Variants in SULF2 observed in about 807,000 individuals in gnomAD.
SULF2 encodes extracellular sulfatase Sulf-2.
A neutral mutation model predicts 107.7 loss-of-function variants in SULF2; 52 were observed. The observed-to-expected ratio is 0.48, with a 90% CI of 0.39 to 0.61. SULF2 has a LOEUF of 0.61. Among genes scored for constraint, SULF2 ranks in the 20% least tolerant of loss-of-function variants. The probability of loss-of-function intolerance (pLI) is 0.00; values close to 1 mark genes in which losing one functional copy is unlikely to be tolerated. For missense variants in SULF2, 993 were observed against 1,177.3 expected, an observed-to-expected ratio of 0.84 and a Z score of 2.29; for synonymous variants, 460 against 464.3, an observed-to-expected ratio of 0.99 and a Z score of 0.12.
At chr20:47,699,318 G>A (rs1192943570) in intron 4 of SULF2, among the ~76,000 whole-genome samples, 4 of 151,938 alleles carry the variant, frequency 2.6e-5, no homozygotes, top group Non-Finnish European at 5.9e-5. Context: ...TGGGGGTGGT[G>A]AATGAATAAT....
chr20:47,718,115 C>G (rs999005373), intron 3 of SULF2, among the ~76,000 whole-genome samples: 1 of 152,178 alleles, frequency 6.6e-6, no homozygotes, highest in Non-Finnish European at 1.5e-5. Flanking sequence ...CCTGGCCTGG[C>G]CTCAGAAATG....
At chr20:47,755,446 C>CAA (rs938976983) in intron 2 of SULF2, among the ~76,000 whole-genome samples, 12 of 152,148 alleles carry the variant, frequency 7.9e-5, no homozygotes, top group African/African-American at 2.9e-4. Context: ...GATCATGTTG[C>CAA]AAAAATGTGT....
intron 3 of SULF2, among the ~76,000 whole-genome samples, chr20:47,720,429 T>A (rs1015589296): frequency 1.4e-4 from 22 of 152,116 alleles, no homozygotes; most frequent in Non-Finnish European, 7.3e-5. Flanking sequence ...CTAATTCTTT[T>A]GTATTTTTAG....
At chr20:47,786,554 G>A (rs2090934636), upstream of SULF2, 1 of 152,206 alleles carries the variant, frequency 6.6e-6, no homozygotes, top group Non-Finnish European at 1.5e-5. Context: ...GCGCGCCCGA[G>A]AACTCCCCGA....
At chr20:47,697,699 C>T (rs957140656) in intron 4 of SULF2, among the ~76,000 whole-genome samples, 1 of 152,190 alleles carries the variant, frequency 6.6e-6, no homozygotes, top group African/African-American at 2.4e-5. Context: ...ACGCCTCCCT[C>T]ACAGGGCTGT....
chr20:47,717,553 G>A (rs114267228), intron 3 of SULF2, among the ~76,000 whole-genome samples: 1 of 152,116 alleles, frequency 6.6e-6, no homozygotes, highest in African/African-American at 2.4e-5. Context: ...CTCAGCCTCC[G>A]AGAGCTCCTC....
rs1292510470 is a variant in SULF2, at chr20:47,723,252, GA to G, written c.415+13450del. On this transcript the variant is annotated intron_variant, in intron 3 of 20. Coordinates refer to ENST00000688720, the MANE Select transcript of SULF2 (RefSeq NM_001387048.1). ...GAGTGACAGTCCATCTCAAAAAAAAGAAAAAAAAAAAAGTTCACAAACATGC... is the reference window on the plus strand; with the variant it reads ...GAGTGACAGTCCATCTCAAAAAAAAGAAAAAAAAAAAGTTCACAAACATGC... Among the ~76,000 whole-genome samples, 516 of 132,952 alleles carry G rather than the reference GA, an allele frequency of 3.9e-3. 3 individuals carry two copies. The highest frequency in any genetic ancestry group is 7.9e-3 in the Middle Eastern group (2 of 252). 87.2% of individuals were successfully genotyped at this position (132,952 alleles called of 152,430 possible). A position where few individuals can be genotyped will look rare whatever the true frequency, so the allele number is the denominator to read the frequency against.
intron 4 of SULF2, among the ~76,000 whole-genome samples, chr20:47,700,980 A>G (rs546123346): frequency 6.6e-6 from 1 of 152,308 alleles, no homozygotes; most frequent in African/African-American, 2.4e-5. Context: ...ATGTCCCAGC[A>G]ATCCTTCTTT....
intron 1 of SULF2, among the ~76,000 whole-genome samples, chr20:47,782,880 T>G (rs1387788799): frequency 1.3e-5 from 2 of 152,190 alleles, no homozygotes; most frequent in Admixed American, 1.3e-4. Flanking sequence ...AAAGTTTGAC[T>G]GTCTGAAGGT....
At chr20:47,682,510 G>T (rs1381202216) in intron 7 of SULF2, among the ~76,000 whole-genome samples, 4 of 152,218 alleles carry the variant, frequency 2.6e-5, no homozygotes, top group Non-Finnish European at 5.9e-5. Context: ...AGAATGGCTG[G>T]CTGAGGGCTG....
chr20:47,770,900 C>T (rs551933317), intron 1 of SULF2, among the ~76,000 whole-genome samples: 7 of 152,282 alleles, frequency 4.6e-5, no homozygotes, highest in Non-Finnish European at 8.8e-5. Flanking sequence ...GGAGCTGGCT[C>T]ATCTTTTCTG....
Position 47,698,847 on chromosome 20 carries a change from C to T in SULF2, c.567+3672G>A, listed in dbSNP as rs149213847. ...GGGAGTTCGAGACCAGCCTGACCAA[C>T]ACGGAGAAACCCCATCTCTACTAAA... On this transcript the variant is annotated intron_variant, in intron 4 of 20. Transcript: ENST00000688720. 1.9e-3 allele frequency among the ~76,000 whole-genome samples: 290 copies of T among 152,214 alleles called. 1 individual carries two copies. The highest frequency in any genetic ancestry group is 6.8e-3 in the African/African-American group (281 of 41,538).
chr20:47,709,403 A>C (rs1318223369), intron 3 of SULF2, among the ~76,000 whole-genome samples: 1 of 152,218 alleles, frequency 6.6e-6, no homozygotes, highest in African/African-American at 2.4e-5. Flanking sequence ...CAGAGCACTT[A>C]CTGCCTCCTG....
intron 20 of SULF2, among the ~76,000 whole-genome samples, chr20:47,658,966 C>A (rs988328239): frequency 6.6e-6 from 1 of 152,166 alleles, no homozygotes; most frequent in Non-Finnish European, 1.5e-5. Context: ...TACAGGTTGC[C>A]AGTCTCTTAG....
intron 3 of SULF2, among the ~76,000 whole-genome samples, chr20:47,728,745 C>T (rs2089516297): frequency 6.6e-6 from 1 of 151,982 alleles, no homozygotes. Flanking sequence ...TCCCTGGTTC[C>T]AGTGGTTCTC....
chr20:47,711,739 G>A (rs1209661338), intron 3 of SULF2, among the ~76,000 whole-genome samples: 1 of 152,086 alleles, frequency 6.6e-6, no homozygotes, highest in East Asian at 1.9e-4. Flanking sequence ...TCATATTTTG[G>A]AACCAGCACA....
chr20:47,773,030 G>C (rs1212806051), intron 1 of SULF2, among the ~76,000 whole-genome samples: 1 of 152,110 alleles, frequency 6.6e-6, no homozygotes, highest in Admixed American at 6.5e-5. Flanking sequence ...GACTACACCG[G>C]AAACACCATT....
At chr20:47,763,335 T>TCA (rs58847638) in intron 1 of SULF2, among the ~76,000 whole-genome samples, 55,170 of 151,972 alleles carry the variant, frequency 0.36, 12,062 homozygotes, top group African/African-American at 0.63. Context: ...GGAACGGGTC[T>TCA]GAGTGACTGA....
chr20:47,746,751 T>C (rs6018666), intron 2 of SULF2, among the ~76,000 whole-genome samples: 43,219 of 150,796 alleles, frequency 0.29, 6,521 homozygotes, highest in East Asian at 0.42. Context: ...GACCAAACAC[T>C]GCACGTTCTC....
Sources: allele counts gnomAD v4.1 joint callset (sites outside exome capture counted in the v4.1 genomes callset), GRCh38; gene constraint gnomAD v4.1.1; transcripts MANE v1.5; gene names NCBI Gene and HGNC (gene_info 2026-07-23, HGNC 2026-07-21).